TIE1: variants seen among roughly 807,000 people sequenced by gnomAD.
TIE1 encodes the protein tyrosine-protein kinase receptor Tie-1.
Under a neutral mutation model 130.5 loss-of-function variants are expected in TIE1, and 89 were observed. The observed-to-expected ratio is 0.68, with a 90% CI of 0.57 to 0.81. The LOEUF (loss-of-function observed/expected upper bound fraction) is 0.81, where lower values mean the gene tolerates loss of function less well. TIE1 is among the 40% of genes least tolerant of loss of function. TIE1 has a pLI of 0.00. For missense variants in TIE1, 1,392 were observed against 1,559.8 expected (o/e 0.89, Z 1.81); for synonymous variants, 568 against 629.4 (o/e 0.90, Z 1.46).
Position 43,316,128 on chromosome 1 carries a change from G to A in TIE1, c.2410-1071G>A, listed in dbSNP as rs888041372. On this transcript the variant is annotated intron_variant, in intron 14 of 22. Coordinates refer to ENST00000372476, the MANE Select transcript of TIE1 (RefSeq NM_005424.5). This position sits in a 1 kb window ranked among gnomAD's most constrained non-coding sequence, Gnocchi z 4.4. The stretch of plus-strand genomic sequence containing the variant: ...GGATAGGAAACGTGTGTGCACAAAT[G>A]TGTGTGCTCCATGTATGAGTGCACA... Among the ~76,000 whole-genome samples, 5 of 152,238 alleles carry A rather than the reference G, an allele frequency of 3.3e-5. No homozygotes were observed. Among genetic ancestry groups the A allele is most frequent in the African/African-American group, 1.2e-4 (5 of 41,466 alleles).
chr1:43,311,533 C>T, intron 9 of TIE1, 138 bp from the exon 10 acceptor site: 1 of 1,172,874 alleles, frequency 8.5e-7, no homozygotes, highest in South Asian at 1.5e-5. Flanking sequence ...GAACTCTGTC[C>T]TCCCTGGGCC....
chr1:43,301,482 CAAA>C (rs772356610), intron 1 of TIE1, among the ~76,000 whole-genome samples: 4 of 113,398 alleles, frequency 3.5e-5, no homozygotes, highest in Admixed American at 8.8e-5. Flanking sequence ...TCGTCTTTTT[CAAA>C]AAAAAAAAAA....
In TIE1 at chr1:43,313,968, G is replaced by T. The variant is rs779140839; in HGVS notation, c.2409G>T (p.Ser803=). 3.2e-5 allele frequency: 51 copies of T among 1,613,966 alleles called. No individual in the cohort carries two copies. Among genetic ancestry groups the T allele is most frequent in the Non-Finnish European group, 4.1e-5 (48 of 1,179,988 alleles). The change falls in exon 14 of 23, where the codon TCG becomes TCT. Residue 803 remains serine, a splice_region_variant and synonymous_variant. Coordinates refer to ENST00000372476, the MANE Select transcript of TIE1 (RefSeq NM_005424.5). The surrounding 1 kb of genome is among the most constrained non-coding windows in gnomAD (Gnocchi z 6.2). The stretch of plus-strand genomic sequence containing the variant: ...GCACCTTCACCTACCAGTCAGGCTC[G>T]GTCAGTGACCCGCCCCGCCCCTGGG... The part of the protein sequence containing the change: ...RRRTFTYQSG[S]GEETILQFSS...
intron 19 of TIE1, chr1:43,320,270 C>T (rs990467446): frequency 2.6e-5 from 4 of 152,538 alleles, no homozygotes; most frequent in Non-Finnish European, 5.9e-5. Flanking sequence ...GCTGTATGGC[C>T]TTGGGCAATC....
rs939741244 is a variant in TIE1 at position 43,316,928 on chromosome 1, G to T, written c.2410-271G>T. On this transcript the variant is annotated intron_variant, in intron 14 of 22. Transcript: ENST00000372476. The surrounding 1 kb of genome is among the most constrained non-coding windows in gnomAD (Gnocchi z 4.4). ...CCCTGGTTCTGCCTTCCAGAGTCCC[G>T]TACACTAGATCCCCTGGCTGCAGCC... Among the ~76,000 whole-genome samples, 2 of 151,994 alleles carry T rather than the reference G, an allele frequency of 1.3e-5. No homozygotes were observed. The highest frequency in any genetic ancestry group is 2.9e-5 in the Non-Finnish European group (2 of 67,998).
chr1:43,319,270 G>T lies in TIE1; in HGVS notation c.2958G>T (p.Leu986=). ...IHRDLAARNV[L]VGENLASKIA... is the part of the protein sequence containing the mutation. ...GGGACCTGGCTGCCCGGAATGTGCT[G>T]GTCGGAGAGAACCTAGCCTCCAAGA... The change falls in exon 18 of 23, where the codon CTG becomes CTT. Residue 986 remains leucine, a synonymous_variant. Coordinates refer to ENST00000372476, the MANE Select transcript of TIE1 (RefSeq NM_005424.5). This position sits in a 1 kb window ranked among gnomAD's most constrained non-coding sequence, Gnocchi z 4.7. The T allele has an allele frequency of 6.2e-7, 1 of 1,614,068 alleles. No homozygotes were observed. Among genetic ancestry groups the T allele is most frequent in the Non-Finnish European group, 8.5e-7 (1 of 1,180,002 alleles).
rs1297086852 is a variant in TIE1 at position 43,306,837 on chromosome 1, C to G, written c.485-3C>G. Reference sequence around the variant, plus strand: ...AGGCCCCTGACACATTCATGTCCCCCAGGATCCTACTTCTACACCCTGGAC... The same window carrying G: ...AGGCCCCTGACACATTCATGTCCCCGAGGATCCTACTTCTACACCCTGGAC... On this transcript the variant is annotated splice_region_variant and splice_polypyrimidine_tract_variant and intron_variant, in intron 3 of 22. Transcript: ENST00000372476. The surrounding 1 kb of genome is among the most constrained non-coding windows in gnomAD (Gnocchi z 4.9). 6.2e-7 allele frequency: 1 copy of G among 1,607,472 alleles called. No homozygotes were observed. Among genetic ancestry groups the G allele is most frequent in the Admixed American group, 1.7e-5 (1 of 59,404 alleles).
intron 1 of TIE1, among the ~76,000 whole-genome samples, chr1:43,303,261 G>T (rs1202363560): frequency 1.3e-5 from 2 of 152,176 alleles, no homozygotes; most frequent in Non-Finnish European, 2.9e-5. Flanking sequence ...TGATGGAAAT[G>T]CAGGTCCAAG....
rs1312392069 is a variant in TIE1 at position 43,322,804 on chromosome 1, C to G, written c.*82C>G. 2 of 1,365,034 alleles carry G rather than the reference C, an allele frequency of 1.5e-6. No individual in the cohort carries two copies. Among genetic ancestry groups the G allele is most frequent in the African/African-American group, 1.4e-5 (1 of 69,996 alleles). 84.6% of individuals were successfully genotyped at this position (1,365,034 alleles called of 1,614,324 possible). ...CTGTGACCAGTCTGACCCTTACAGC[C>G]TCTGACTTAAGCTGCCTCAAGGAAT... On this transcript the variant is annotated 3_prime_UTR_variant, in exon 23 of 23. Transcript: ENST00000372476. This position sits in a 1 kb window ranked among gnomAD's most constrained non-coding sequence, Gnocchi z 4.0.
At position 43,313,657 on chromosome 1, in the gene TIE1, A is replaced by G. The variant is rs1646828207; in HGVS notation, c.2219-121A>G. On this transcript the variant is annotated intron_variant, in intron 13 of 22. Transcript: ENST00000372476. This position sits in a 1 kb window ranked among gnomAD's most constrained non-coding sequence, Gnocchi z 6.2. ...CTCATCCCTTCCTTCATGTGGCCCA[A>G]GTGATTTCCTGACAGTCCTGGCACT... The G allele has an allele frequency of 2.5e-6, 3 of 1,195,210 alleles. No individual in the cohort carries two copies. In the African/African-American group the frequency reaches 4.6e-5, roughly 18 times the overall value. The allele number at this position is 1,195,210 out of a possible 1,614,324, so 74.0% of individuals were successfully genotyped here. A position where few individuals can be genotyped will look rare whatever the true frequency, so the allele number is the denominator to read the frequency against.
rs1265626990 is a variant in TIE1 at position 43,304,938 on chromosome 1, G to C, written c.146G>C (p.Gly49Ala). Reference protein sequence around the residue: ...FFLTCVSGEAGAGRGSDAWGP... With the variant: ...FFLTCVSGEAAAGRGSDAWGP... ...CTGACTTGCGTGTCTGGGGAGGCCG[G>C]GGCGGGGAGGGGCTCGGACGCCTGG... The change falls in exon 2 of 23, where the codon GGG becomes GCG. Residue 49 changes from glycine to alanine, a missense_variant. Physicochemically the swap from Gly to Ala is moderately conservative, Grantham distance 60. Transcript: ENST00000372476. The C allele has an allele frequency of 1.4e-6, 2 of 1,446,850 alleles. No homozygotes were observed. Among genetic ancestry groups the C allele is most frequent in the Non-Finnish European group, 1.8e-6 (2 of 1,103,846 alleles). 89.6% of individuals were successfully genotyped at this position (1,446,850 alleles called of 1,614,324 possible). A position where few individuals can be genotyped will look rare whatever the true frequency, so the allele number is the denominator to read the frequency against.
At chr1:43,308,516 T>C (rs946476204) in intron 7 of TIE1, among the ~76,000 whole-genome samples, 2 of 85,852 alleles carry the variant, frequency 2.3e-5, no homozygotes, top group African/African-American at 1.0e-4. Context: ...GGGGAAATGG[T>C]CAGAAGAGGT....
intron 1 of TIE1, among the ~76,000 whole-genome samples, chr1:43,303,854 A>G (rs1646695125): frequency 6.6e-6 from 1 of 152,094 alleles, no homozygotes; most frequent in South Asian, 2.1e-4. Flanking sequence ...CCTCCCAGGA[A>G]GCATCTCTTC....
intron 14 of TIE1, 57 bp downstream of exon 14, chr1:43,314,025 C>T (rs1291151786): frequency 1.3e-6 from 2 of 1,561,542 alleles, no homozygotes. Context: ...TATGTTTCTA[C>T]CTGTGTACAC....
Position 43,317,679 on chromosome 1 carries a change from GC to G in TIE1, c.2731+10del, listed in dbSNP as rs2153912712. On this transcript the variant is annotated splice_donor_region_variant and intron_variant, in intron 16 of 22. Transcript: ENST00000372476. The surrounding 1 kb of genome is among the most constrained non-coding windows in gnomAD (Gnocchi z 5.1). ...TGGGGGCCTGTAAGAACCGAGGTGAGCCCCCAGCTCATCACCTACCCCTTCT... is the reference window on the plus strand; with the variant it reads ...TGGGGGCCTGTAAGAACCGAGGTGAGCCCCAGCTCATCACCTACCCCTTCT... 3 of 1,568,082 alleles carry G rather than the reference GC, an allele frequency of 1.9e-6. No individual in the cohort carries two copies. The highest frequency in any genetic ancestry group is 2.6e-6 in the Non-Finnish European group (3 of 1,155,580).
rs1210942702 is a variant in TIE1, at chr1:43,309,136, GC to G, written c.1188+10del. On this transcript the variant is annotated splice_donor_region_variant and intron_variant, in intron 8 of 22. Transcript: ENST00000372476. The surrounding 1 kb of genome is among the most constrained non-coding windows in gnomAD (Gnocchi z 6.3). ...CCAGACGGCACTGTGCTCCTGGTCA[GC>G]CCCCAATCACCCCAACCCACCAGCC... 1.9e-6 allele frequency: 3 copies of G among 1,583,696 alleles called. No individual in the cohort carries two copies. Among genetic ancestry groups the G allele is most frequent in the African/African-American group, 2.7e-5 (2 of 74,414 alleles).
chr1:43,314,053 T>TTGTG (rs138876276), intron 14 of TIE1, 85 bp downstream of exon 14: 330 of 1,243,590 alleles, frequency 2.7e-4, no homozygotes, highest in African/African-American at 2.0e-3. Context: ...CTTGTACACC[T>TTGTG]TGTGTGTGTG....
At position 43,316,775 on chromosome 1, in the gene TIE1, A is replaced by G. The variant is rs1224901265; in HGVS notation, c.2410-424A>G. Among the ~76,000 whole-genome samples, 1 of 152,122 alleles carries G rather than the reference A, an allele frequency of 6.6e-6. No homozygotes were observed. Among genetic ancestry groups the G allele is most frequent in the African/African-American group, 2.4e-5 (1 of 41,432 alleles). ...CTGGTGACCCCCAACAACAACAACA[A>G]CAAAAAGCCTGGTTGTAGGATTAGC... On this transcript the variant is annotated intron_variant, in intron 14 of 22. Coordinates refer to ENST00000372476, the MANE Select transcript of TIE1 (RefSeq NM_005424.5). The surrounding 1 kb of genome is among the most constrained non-coding windows in gnomAD (Gnocchi z 4.4).
chr1:43,313,896 C>T lies in TIE1; in HGVS notation c.2337C>T (p.Ala779=), dbSNP rs1646831633. Residue 779 remains alanine, a synonymous_variant, in exon 14 of 23, where the codon GCC becomes GCT. Coordinates refer to ENST00000372476, the MANE Select transcript of TIE1 (RefSeq NM_005424.5). The surrounding 1 kb of genome is among the most constrained non-coding windows in gnomAD (Gnocchi z 6.2). Reference sequence around the variant, plus strand: ...CCACCTGCCTCACCATCCTGGCTGCCCTTTTAACCCTGGTGTGCATCCGCA... The same window carrying T: ...CCACCTGCCTCACCATCCTGGCTGCTCTTTTAACCCTGGTGTGCATCCGCA... ...VSATCLTILA[A]LLTLVCIRRS... is the part of the protein sequence containing the mutation. 8 of 1,614,164 alleles carry T rather than the reference C, an allele frequency of 5.0e-6. No homozygotes were observed. The highest frequency in any genetic ancestry group is 6.8e-6 in the Non-Finnish European group (8 of 1,180,024).
Sources: gnomAD v4.1 joint callset for allele counts (sites outside exome capture counted in the v4.1 genomes callset) on GRCh38, gnomAD v4.1.1 for gene constraint, Gnocchi (gnomAD v3.1) non-coding constraint, MANE v1.5 for transcripts, NCBI Gene and HGNC (gene_info 2026-07-23, HGNC 2026-07-21) for gene names.